Variants in NUP160 observed in about 807,000 individuals in gnomAD.
NUP160 encodes the protein nucleoporin 160.
In NUP160, 94 loss-of-function variants were observed where a neutral mutation model predicts 196.9. The ratio of observed to expected loss-of-function variants is 0.48; its 90% CI spans 0.40 to 0.57. The LOEUF (loss-of-function observed/expected upper bound fraction) is 0.57. Ranked by LOEUF, NUP160 falls within the 20% of genes least tolerant of loss-of-function variation. The probability of loss-of-function intolerance (pLI) is 0.00; values close to 1 mark genes in which losing one functional copy is unlikely to be tolerated. For synonymous variants in NUP160, 605 were observed against 619.7 expected, an observed-to-expected ratio of 0.98 and a Z score of 0.35; for missense variants, 1,638 against 1,748.3, an observed-to-expected ratio of 0.94 and a Z score of 1.13.
intron 34 of NUP160, among the ~76,000 whole-genome samples, chr11:47,781,270 C>CT (rs553724785): frequency 1.6e-4 from 24 of 148,280 alleles, no homozygotes; most frequent in South Asian, 2.1e-4. Flanking sequence ...TGTCAACTTT[C>CT]TTTTTTTTTT....
chr11:47,819,041 C>T lies in NUP160; in HGVS notation c.1362+333G>A, dbSNP rs180944069. Among the ~76,000 whole-genome samples, 8 of 152,092 alleles carry T rather than the reference C, an allele frequency of 5.3e-5. No individual in the cohort carries two copies. The South Asian group carries it at 1.2e-3, about 24-fold the overall frequency. ...AAAAATGTGGAGATTTGGCCGGGCA[C>T]GGTGGCTCACGACTGTAATCCCAGC... On this transcript the variant is annotated intron_variant, in intron 10 of 35. Coordinates refer to ENST00000378460, the Ensembl canonical transcript of NUP160.
At chr11:47,806,460 A>T (rs2097677713) in intron 19 of NUP160, 148 bp from the exon 20 acceptor site, 1 of 592,276 alleles carries the variant, frequency 1.7e-6, no homozygotes, top group African/African-American at 1.9e-5. Flanking sequence ...CAGTGGCAAT[A>T]TAAATAAAAG....
chr11:47,798,095 A>T (rs1170857875), intron 25 of NUP160, 21 bp from the exon 26 acceptor site: 2 of 1,553,046 alleles, frequency 1.3e-6, no homozygotes, highest in South Asian at 2.2e-5. Flanking sequence ...AGAAAGGAAT[A>T]TGAGGGCAAA....
At chr11:47,782,354 A>G (rs1166956802) in intron 34 of NUP160, among the ~76,000 whole-genome samples, 1 of 121,778 alleles carries the variant, frequency 8.2e-6, no homozygotes, top group Non-Finnish European at 1.7e-5. Flanking sequence ...ATATATATAT[A>G]TATGCGCCTA....
In NUP160 at chr11:47,816,040, AAGACATTTT is replaced by A. The variant is rs767743416; in HGVS notation, c.1432-20_1432-12del. On this transcript the variant is annotated splice_polypyrimidine_tract_variant and intron_variant, in intron 11 of 35. Coordinates refer to ENST00000378460, the Ensembl canonical transcript of NUP160. ...TCCTCGGCAGAAAATCTAACATTAAAAGACATTTTAGACTTCTATATAATAGCCAAAACT... is the reference window on the plus strand; with the variant it reads ...TCCTCGGCAGAAAATCTAACATTAAAAGACTTCTATATAATAGCCAAAACT... 1.3e-6 allele frequency: 2 copies of A among 1,599,038 alleles called. No homozygotes were observed. The highest frequency in any genetic ancestry group is 2.7e-5 in the African/African-American group (2 of 74,658).
At chr11:47,847,471 G>A (rs944404361) in intron 2 of NUP160, among the ~76,000 whole-genome samples, 1 of 152,014 alleles carries the variant, frequency 6.6e-6, no homozygotes, top group Non-Finnish European at 1.5e-5. Flanking sequence ...ATTTCGTCCT[G>A]GTACCTAGCA....
exon 11 of NUP160, chr11:47,818,119 C>T (rs1851775723): frequency 6.2e-7 from 1 of 1,605,908 alleles, no homozygotes; most frequent in Non-Finnish European, 8.5e-7. Flanking sequence ...TTTGCAGATA[C>T]ATCTCCTATT....
chr11:47,798,110 C>T, intron 25 of NUP160, 36 bp from the exon 26 acceptor site: 4 of 1,538,480 alleles, frequency 2.6e-6, no homozygotes, highest in Middle Eastern at 3.4e-4. Flanking sequence ...GGCAAACTAT[C>T]TTAGTAGGTT....
At chr11:47,778,382 A>T (rs1401862581) in exon 36 of NUP160, 1 of 152,630 alleles carries the variant, frequency 6.6e-6, no homozygotes, top group Non-Finnish European at 1.5e-5. Flanking sequence ...AACTTGTATG[A>T]TCAAGTCCAG....
chr11:47,812,417 C>T (rs1394720475), exon 16 of NUP160: 2 of 1,612,972 alleles, frequency 1.2e-6, no homozygotes, highest in South Asian at 2.2e-5. Flanking sequence ...AAATATCCTC[C>T]ATCACATTTT....
At chr11:47,821,349 TGTC>T (rs374567803) in intron 9 of NUP160, 1 of 151,528 alleles carries the variant, frequency 6.6e-6, no homozygotes, top group African/African-American at 2.5e-5. Flanking sequence ...AAAGCTCCCT[TGTC>T]TTTTTTTTTT....
intron 19 of NUP160, 164 bp from the exon 20 acceptor site, chr11:47,806,476 T>C: frequency 1.8e-6 from 1 of 551,710 alleles, no homozygotes; most frequent in East Asian, 2.9e-5. Flanking sequence ...AAAAGTAGTC[T>C]GTAAATTGTG....
intron 7 of NUP160, among the ~76,000 whole-genome samples, chr11:47,828,087 T>G (rs546352379): frequency 3.9e-5 from 6 of 152,314 alleles, no homozygotes; most frequent in Non-Finnish European, 7.3e-5. Flanking sequence ...CAGGCTGGTC[T>G]GGAACTCCTG....
At chr11:47,791,351 T>C (rs375538005) in intron 29 of NUP160, among the ~76,000 whole-genome samples, 1 of 152,122 alleles carries the variant, frequency 6.6e-6, no homozygotes, top group East Asian at 1.9e-4. Context: ...TAAACATTAT[T>C]TTTTTTGAGG....
At chr11:47,804,381 T>G in intron 21 of NUP160, 168 bp downstream of exon 21, 1 of 546,260 alleles carries the variant, frequency 1.8e-6, no homozygotes, top group Non-Finnish European at 3.2e-6. Flanking sequence ...TCAAGCAAGT[T>G]CAGGATGGTA....
intron 3 of NUP160, 156 bp from the exon 4 acceptor site, chr11:47,840,221 T>C (rs544603294): frequency 1.1e-5 from 9 of 829,504 alleles, no homozygotes; most frequent in Middle Eastern, 4.4e-4. Flanking sequence ...TTAAAATGTA[T>C]GCCTGATCAT....
At chr11:47,838,136 T>C (rs985664688) in intron 4 of NUP160, among the ~76,000 whole-genome samples, 8 of 152,084 alleles carry the variant, frequency 5.3e-5, no homozygotes, top group Non-Finnish European at 1.5e-5. Flanking sequence ...GGCACTGCAA[T>C]TTTGAAAAGG....
intron 7 of NUP160, among the ~76,000 whole-genome samples, chr11:47,827,786 C>T (rs755061729): frequency 2.6e-5 from 4 of 151,446 alleles, no homozygotes; most frequent in Non-Finnish European, 5.9e-5. Context: ...TTAGTACCCA[C>T]CTCCCTCCAA....
At chr11:47,814,533 T>C (rs560734777) in intron 13 of NUP160, among the ~76,000 whole-genome samples, 1 of 143,198 alleles carries the variant, frequency 7.0e-6, no homozygotes, top group African/African-American at 2.6e-5. Context: ...AGAGCAAGAC[T>C]GTCTCAAAAA....
Sources: allele counts gnomAD v4.1 joint callset (sites outside exome capture counted in the v4.1 genomes callset), GRCh38; gene constraint gnomAD v4.1.1; transcripts MANE v1.5; gene names NCBI Gene and HGNC (gene_info 2026-07-23, HGNC 2026-07-21).